HSPA2: variants seen among roughly 807,000 people sequenced by gnomAD.
The protein encoded by HSPA2 is heat shock-related 70 kDa protein 2.
A neutral mutation model predicts 35.0 loss-of-function variants in HSPA2; 13 were observed. That is an observed-to-expected ratio of 0.37 (90% CI 0.24 to 0.59). The LOEUF (loss-of-function observed/expected upper bound fraction) is 0.59. HSPA2 is among the 20% of genes least tolerant of loss of function. The probability of loss-of-function intolerance (pLI) is 0.70; values close to 1 mark genes in which losing one functional copy is unlikely to be tolerated. For missense variants in HSPA2, 565 were observed against 885.4 expected (o/e 0.64, Z 4.59); for synonymous variants, 368 against 382.1 (o/e 0.96, Z 0.43).
At chr14:64,539,394 G>A (rs2080005513), upstream of HSPA2, among the ~76,000 whole-genome samples, 4 of 152,150 alleles carry the variant, frequency 2.6e-5, no homozygotes, top group Non-Finnish European at 5.9e-5. Context: ...TGTGGGTTTT[G>A]ACTGATTATA....
rs2080035640 is a variant in HSPA2 at position 64,541,881 on chromosome 14, T to C, written c.1032T>C (p.Thr344=). 6.2e-7 allele frequency: 1 copy of C among 1,613,440 alleles called. No homozygotes were observed. The change falls in exon 1 of 1, where the codon ACT becomes ACC. Residue 344 remains threonine, a synonymous_variant. Coordinates refer to ENST00000247207, the MANE Select transcript of HSPA2 (RefSeq NM_021979.4). ...IQEIVLVGGS[T]RIPKIQKLLQ... ...AGATCGTGCTGGTGGGCGGCTCCAC[T>C]CGTATCCCCAAGATCCAGAAGCTGC...
Position 64,543,007 on chromosome 14 carries a change from C to A in HSPA2, c.*238C>A, listed in dbSNP as rs1248471203. 3.0e-6 allele frequency: 2 copies of A among 664,230 alleles called. No homozygotes were observed. The highest frequency in any genetic ancestry group is 3.7e-5 in the African/African-American group (2 of 54,568). 41.1% of individuals were successfully genotyped at this position (664,230 alleles called of 1,614,324 possible). ...CATTTTGCGTGTTTGCTGACTTGAG[C>A]ATTTTTGATTAGTTCGTGCATGGAG... On this transcript the variant is annotated 3_prime_UTR_variant, in exon 1 of 1. Transcript: ENST00000247207.
At chr14:64,538,372 G>A (rs909284430), upstream of HSPA2, among the ~76,000 whole-genome samples, 4 of 152,108 alleles carry the variant, frequency 2.6e-5, no homozygotes, top group African/African-American at 7.2e-5. Flanking sequence ...AAAGACCATG[G>A]CTCAAAAAGC....
chr14:64,539,932 G>C (rs1334767530), upstream of HSPA2, among the ~76,000 whole-genome samples: 3 of 152,064 alleles, frequency 2.0e-5, no homozygotes, highest in Non-Finnish European at 4.4e-5. Context: ...CGGCCGCCTC[G>C]GCCTCCCAAG....
chr14:64,542,754 C>T lies in HSPA2; in HGVS notation c.1905C>T (p.Ile635=). The change falls in exon 1 of 1, where the codon ATC becomes ATT. Residue 635 remains isoleucine (I), a synonymous_variant. Transcript: ENST00000247207. The surrounding 1 kb of genome is among the most constrained non-coding windows in gnomAD (Gnocchi z 5.7). ...CAGGAGCCTCCGGGGGACCCACCAT[C>T]GAAGAAGTGGACTAAGCTTGCACTC... ...GGSGASGGPT[I]EEVD 1.2e-6 allele frequency: 2 copies of T among 1,608,166 alleles called. No individual in the cohort carries two copies. The highest frequency in any genetic ancestry group is 1.7e-6 in the Non-Finnish European group (2 of 1,177,118).
chr14:64,541,993 ATCC>A lies in HSPA2; in HGVS notation c.1147_1149del (p.Leu383del). ...CTATGGCGCCGCGGTGCAGGCGGCCATCCTCATCGGCGACAAATCAGAGAATGT... is the reference window on the plus strand; with the variant it reads ...CTATGGCGCCGCGGTGCAGGCGGCCATCATCGGCGACAAATCAGAGAATGT... On this transcript the variant is annotated inframe_deletion, in exon 1 of 1. Coordinates refer to ENST00000247207, the MANE Select transcript of HSPA2 (RefSeq NM_021979.4). The A allele has an allele frequency of 1.2e-6, 2 of 1,613,496 alleles. No individual in the cohort carries two copies. The highest frequency in any genetic ancestry group is 1.7e-6 in the Non-Finnish European group (2 of 1,180,010).
upstream of HSPA2, among the ~76,000 whole-genome samples, chr14:64,540,107 C>T (rs573573575): frequency 3.9e-5 from 6 of 152,258 alleles, no homozygotes; most frequent in Non-Finnish European, 8.8e-5. Flanking sequence ...AAGGGATCCG[C>T]CCTCACCCCC....
Position 64,540,866 on chromosome 14 carries a change from C to G in HSPA2, c.17C>G (p.Pro6Arg), listed in dbSNP as rs2140203675. The G allele has an allele frequency of 1.2e-6, 2 of 1,614,078 alleles. No homozygotes were observed. The highest frequency in any genetic ancestry group is 8.5e-7 in the Non-Finnish European group (1 of 1,180,002). MSARG[P>R]AIGIDLGTTY... ...TCAGTCAGGATGTCTGCCCGTGGCC[C>G]GGCTATCGGCATCGACCTGGGCACC... Residue 6 changes from proline to arginine, a missense_variant, in exon 1 of 1, where the codon CCG becomes CGG. This residue lies in a region of HSPA2 where 183 missense variants were observed against 281.6 expected (regional missense o/e 0.65). Coordinates refer to ENST00000247207, the MANE Select transcript of HSPA2 (RefSeq NM_021979.4).
At chr14:64,539,677 TG>T (rs1006318876), upstream of HSPA2, among the ~76,000 whole-genome samples, 1 of 150,508 alleles carries the variant, frequency 6.6e-6, no homozygotes, top group Non-Finnish European at 1.5e-5. Context: ...CGCCAGGCAG[TG>T]GGGTTTTTTT....
At position 64,543,172 on chromosome 14, in the gene HSPA2, C is replaced by G. The variant is rs554727832; in HGVS notation, c.*403C>G. On this transcript the variant is annotated 3_prime_UTR_variant, in exon 1 of 1. Transcript: ENST00000247207. The stretch of plus-strand genomic sequence containing the variant: ...CTGAACATTGCAGTAATGTTAAGGA[C>G]AGGTATACTTTTTGCAAACAAATGC... 1 of 211,772 alleles carries G rather than the reference C, an allele frequency of 4.7e-6. No individual in the cohort carries two copies. Among genetic ancestry groups the G allele is most frequent in the African/African-American group, 2.4e-5 (1 of 42,156 alleles). The allele number at this position is 211,772 out of a possible 1,614,324, so 13.1% of individuals were successfully genotyped here.
In HSPA2 at chr14:64,542,121, C is replaced by A. The variant is rs1342438436; in HGVS notation, c.1272C>A (p.Pro424=). The change falls in exon 1 of 1, where the codon CCC becomes CCA. Residue 424 remains proline, a synonymous_variant. Coordinates refer to ENST00000247207, the MANE Select transcript of HSPA2 (RefSeq NM_021979.4). This position sits in a 1 kb window ranked among gnomAD's most constrained non-coding sequence, Gnocchi z 5.7. ...TCATCAAGAGGAACACCACGATCCC[C>A]ACCAAGCAGACGCAGACCTTCACCA... ...TPLIKRNTTI[P]TKQTQTFTTY... is the part of the protein sequence containing the mutation. The A allele has an allele frequency of 6.2e-7, 1 of 1,613,588 alleles. No individual in the cohort carries two copies. The highest frequency in any genetic ancestry group is 1.1e-5 in the South Asian group (1 of 91,084).
upstream of HSPA2, chr14:64,540,627 C>A (rs1172148882): frequency 1.5e-6 from 1 of 661,748 alleles, no homozygotes; most frequent in South Asian, 2.0e-5. Context: ...TCACTCCGAC[C>A]TAGGCAAGCC....
Position 64,542,348 on chromosome 14 carries a change from A to G in HSPA2, c.1499A>G (p.Lys500Arg), listed in dbSNP as rs1395066251. Reference protein sequence around the residue: ...NVTAADKSTGKENKITITNDK... With the variant: ...NVTAADKSTGRENKITITNDK... ...ACCGCCGCCGACAAGAGCACCGGTA[A>G]GGAAAACAAAATCACCATCACCAAT... Residue 500 changes from lysine to arginine, a missense_variant, in exon 1 of 1, where the codon AAG (lysine) becomes AGG (arginine). Lys to Arg is a conservative substitution (Grantham distance 26). Transcript: ENST00000247207. The surrounding 1 kb of genome is among the most constrained non-coding windows in gnomAD (Gnocchi z 5.7). The G allele has an allele frequency of 6.2e-7, 1 of 1,614,026 alleles. No homozygotes were observed. The highest frequency in any genetic ancestry group is 1.3e-5 in the African/African-American group (1 of 75,022).
chr14:64,541,241 T>C lies in HSPA2; in HGVS notation c.392T>C (p.Ile131Thr), dbSNP rs772199703. The change falls in exon 1 of 1, where the codon ATC (isoleucine) becomes ACC (threonine). Residue 131 changes from isoleucine to threonine, a missense_variant. Transcript: ENST00000247207. ...SSMVLTKMKE[I>T]AEAYLGGKVH... ...ATGGTCCTCACGAAGATGAAGGAGATCGCGGAAGCCTACCTGGGGGGCAAG... is the reference window on the plus strand; with the variant it reads ...ATGGTCCTCACGAAGATGAAGGAGACCGCGGAAGCCTACCTGGGGGGCAAG... The C allele has an allele frequency of 6.2e-7, 1 of 1,613,674 alleles. No homozygotes were observed. Among genetic ancestry groups the C allele is most frequent in the Admixed American group, 1.7e-5 (1 of 60,002 alleles).
rs369473748 is a variant in HSPA2, at chr14:64,542,410, A to G, written c.1561A>G (p.Met521Val). 4.5e-5 allele frequency: 72 copies of G among 1,613,680 alleles called. No individual in the cohort carries two copies. Among genetic ancestry groups the G allele is most frequent in the Non-Finnish European group, 5.5e-5 (65 of 1,179,926 alleles). ...GRLSKDDIDRMVQEAERYKSE... is the reference protein window; with the variant it reads ...GRLSKDDIDRVVQEAERYKSE... ...TCTGAGCAAGGACGACATTGACCGG[A>G]TGGTGCAGGAGGCGGAGCGGTACAA... The change falls in exon 1 of 1, where the codon ATG (methionine) becomes GTG (valine). Residue 521 changes from methionine (M) to valine (V), a missense_variant. Physicochemically the swap from Met to Val is conservative, Grantham distance 21 (BLOSUM62 1). Transcript: ENST00000247207. This position sits in a 1 kb window ranked among gnomAD's most constrained non-coding sequence, Gnocchi z 5.7.
upstream of HSPA2, among the ~76,000 whole-genome samples, chr14:64,537,835 C>G (rs1395027914): frequency 6.6e-6 from 1 of 151,162 alleles, no homozygotes; most frequent in Non-Finnish European, 1.5e-5. Flanking sequence ...TCAAGCAATC[C>G]TCTGCCTCAG....
At chr14:64,536,287 G>T (rs12432891), upstream of HSPA2, among the ~76,000 whole-genome samples, 308 of 152,106 alleles carry the variant, frequency 2.0e-3, no homozygotes, top group South Asian at 0.018. Flanking sequence ...TTACGGCTGC[G>T]TAAGAATTCA....
upstream of HSPA2, among the ~76,000 whole-genome samples, chr14:64,538,599 C>T (rs45564031): frequency 5.8e-4 from 88 of 152,362 alleles, 2 homozygotes; most frequent in East Asian, 0.016. Context: ...CTCTCAGCAA[C>T]GCACTTTTCC....
At position 64,543,129 on chromosome 14, in the gene HSPA2, T is replaced by G. The variant is rs1482909954; in HGVS notation, c.*360T>G. 3.4e-6 allele frequency: 1 copy of G among 294,510 alleles called. No individual in the cohort carries two copies. Among genetic ancestry groups the G allele is most frequent in the African/African-American group, 2.3e-5 (1 of 44,064 alleles). 18.2% of individuals were successfully genotyped at this position (294,510 alleles called of 1,614,324 possible). The stretch of plus-strand genomic sequence containing the variant: ...GGAGCTTAAATTGTTTATTTTTATG[T>G]ACTACTTTAAAACTAAACTGAACAT... On this transcript the variant is annotated 3_prime_UTR_variant, in exon 1 of 1. Coordinates refer to ENST00000247207, the MANE Select transcript of HSPA2 (RefSeq NM_021979.4).
Sources: allele counts gnomAD v4.1 joint callset (sites outside exome capture counted in the v4.1 genomes callset), GRCh38; gene constraint gnomAD v4.1.1; regional missense constraint gnomAD v4.1.1; non-coding constraint Gnocchi (gnomAD v3.1); transcripts MANE v1.5; gene names NCBI Gene and HGNC (gene_info 2026-07-23, HGNC 2026-07-21).